Variants in DENND4C observed in about 807,000 individuals in gnomAD.
The protein encoded by DENND4C is DENN domain containing 4C, also known as DENN domain-containing protein 4C.
A neutral mutation model predicts 203.0 loss-of-function variants in DENND4C; 108 were observed. The observed-to-expected ratio is 0.53, with a 90% CI of 0.46 to 0.62. The LOEUF (loss-of-function observed/expected upper bound fraction) is 0.62. Ranked by LOEUF, DENND4C falls within the 20% of genes least tolerant of loss-of-function variation. The pLI, the probability that DENND4C is intolerant of heterozygous loss-of-function variation, is 0.00. For missense variants in DENND4C, 2,481 were observed against 2,301.2 expected, an observed-to-expected ratio of 1.08 and a Z score of -1.60; for synonymous variants, 871 against 792.4, an observed-to-expected ratio of 1.10 and a Z score of -1.67.
intron 1 of DENND4C, among the ~76,000 whole-genome samples, chr9:19,260,525 G>A (rs1221321855): frequency 6.6e-6 from 1 of 152,048 alleles, no homozygotes; most frequent in African/African-American, 2.4e-5. Context: ...AGCCTCCCGA[G>A]TAGCTGGATC....
chr9:19,236,187 A>T (rs558580076), intron 1 of DENND4C, among the ~76,000 whole-genome samples: 1 of 152,268 alleles, frequency 6.6e-6, no homozygotes, highest in South Asian at 2.1e-4. Flanking sequence ...TGCTAGGAAT[A>T]ATAATAAGAA....
intron 23 of DENND4C, among the ~76,000 whole-genome samples, chr9:19,349,113 G>C (rs1823541500): frequency 6.6e-6 from 1 of 151,706 alleles, no homozygotes; most frequent in African/African-American, 2.4e-5. Context: ...TTTTATTTTT[G>C]AAATTTTATT....
chr9:19,256,025 G>A (rs1827831291), intron 1 of DENND4C, among the ~76,000 whole-genome samples: 1 of 151,594 alleles, frequency 6.6e-6, no homozygotes, highest in African/African-American at 2.4e-5. Context: ...ATTGCTTGAG[G>A]CCAGGAGTTC....
intron 3 of DENND4C, among the ~76,000 whole-genome samples, chr9:19,287,416 C>A (rs879407957): frequency 6.6e-6 from 1 of 151,842 alleles, no homozygotes; most frequent in Non-Finnish European, 1.5e-5. Context: ...CTTGCTTTGT[C>A]GCCCAGGCTG....
At chr9:19,256,313 T>G (rs1347387645) in intron 1 of DENND4C, among the ~76,000 whole-genome samples, 2 of 120,432 alleles carry the variant, frequency 1.7e-5, no homozygotes, top group African/African-American at 3.3e-5. Flanking sequence ...TTTTTTGTTT[T>G]TTTTTTTTTT....
intron 14 of DENND4C, 35 bp from the exon 15 acceptor site, chr9:19,326,029 A>G (rs370499882): frequency 2.5e-6 from 4 of 1,607,512 alleles, no homozygotes; most frequent in African/African-American, 2.7e-5. Flanking sequence ...TCTTGTTTGT[A>G]TGCAAATTAA....
intron 1 of DENND4C, among the ~76,000 whole-genome samples, chr9:19,238,739 C>T (rs1299975349): frequency 6.3e-5 from 9 of 142,884 alleles, no homozygotes; most frequent in Admixed American, 4.3e-4. Flanking sequence ...CTGCAACCCC[C>T]GTACCCCGGG....
At chr9:19,281,001 G>A (rs1031996790) in intron 2 of DENND4C, among the ~76,000 whole-genome samples, 29 of 152,048 alleles carry the variant, frequency 1.9e-4, no homozygotes, top group African/African-American at 6.3e-4. Flanking sequence ...TCGGCCTCCC[G>A]AAGTGCTGGG....
At chr9:19,366,535 C>T (rs1261755780) in intron 30 of DENND4C, among the ~76,000 whole-genome samples, 2 of 152,046 alleles carry the variant, frequency 1.3e-5, no homozygotes, top group African/African-American at 4.8e-5. Flanking sequence ...ACCCAGGAGG[C>T]GGAGCTTGCA....
At chr9:19,282,946 T>G (rs1834418380) in intron 2 of DENND4C, among the ~76,000 whole-genome samples, 1 of 152,026 alleles carries the variant, frequency 6.6e-6, no homozygotes, top group African/African-American at 2.4e-5. Context: ...TTTGAACTCC[T>G]GACCTCAAGT....
In DENND4C at chr9:19,276,151, C is replaced by A; in HGVS notation, c.-17-7C>A. 1.6e-6 allele frequency: 2 copies of A among 1,225,264 alleles called. No individual in the cohort carries two copies. Among genetic ancestry groups the A allele is most frequent in the South Asian group, 8.3e-5 (2 of 24,172 alleles). 75.9% of individuals were successfully genotyped at this position (1,225,264 alleles called of 1,614,324 possible). ...TTTTATTGGTATCTTTCCCCTCCCT[C>A]TTCTAGAAAATACAGTAGCAGCCAT... On this transcript the variant is annotated splice_region_variant and splice_polypyrimidine_tract_variant and intron_variant, in intron 1 of 32. Coordinates refer to ENST00000434457, the MANE Select transcript of DENND4C (RefSeq NM_001330640.2).
intron 6 of DENND4C, 80 bp downstream of exon 6, chr9:19,296,326 G>A (rs1837451290): frequency 3.0e-6 from 3 of 985,732 alleles, no homozygotes; most frequent in East Asian, 2.5e-5. Context: ...ATTTTTAGCA[G>A]CAAAGTTGGA....
chr9:19,294,298 GAA>G (rs1384917506), intron 5 of DENND4C, among the ~76,000 whole-genome samples: 1 of 152,042 alleles, frequency 6.6e-6, no homozygotes, highest in Non-Finnish European at 1.5e-5. Context: ...AGGAAAGAGA[GAA>G]GTAGCCAGAA....
intron 12 of DENND4C, among the ~76,000 whole-genome samples, chr9:19,318,364 C>T (rs1487456684): frequency 6.6e-6 from 1 of 151,984 alleles, no homozygotes; most frequent in Non-Finnish European, 1.5e-5. Flanking sequence ...AAAGTTTTCT[C>T]ATTAATAAAA....
Position 19,350,616 on chromosome 9 carries a change from T to C in DENND4C, c.4318-86T>C, listed in dbSNP as rs1342306751. On this transcript the variant is annotated intron_variant, in intron 23 of 32. Coordinates refer to ENST00000434457, the MANE Select transcript of DENND4C (RefSeq NM_001330640.2). ...GATGATTTGTTTAAGGATTATAGAG[T>C]TTAATTTTGAAAAGGGTAGAGTGGG... The C allele has an allele frequency of 1.0e-5, 12 of 1,149,730 alleles. No individual in the cohort carries two copies. In the South Asian group the frequency reaches 2.0e-4, roughly 20 times the overall value. 71.2% of individuals were successfully genotyped at this position (1,149,730 alleles called of 1,614,324 possible).
chr9:19,342,768 A>G lies in DENND4C; in HGVS notation c.3140A>G (p.Lys1047Arg). 1.9e-6 allele frequency: 3 copies of G among 1,604,068 alleles called. No homozygotes were observed. The highest frequency in any genetic ancestry group is 2.6e-6 in the Non-Finnish European group (3 of 1,176,098). Reference sequence around the variant, plus strand: ...GGTATATTTGATGTCAACAGCAGGAAAAGTAGCACTGGTGAGTCTTTACAT... The same window carrying G: ...GGTATATTTGATGTCAACAGCAGGAGAAGTAGCACTGGTGAGTCTTTACAT... The part of the protein sequence containing the change: ...PSGIFDVNSR[K>R]SSTGSISNVL... Residue 1047 changes from lysine to arginine, a missense_variant, in exon 22 of 33, where the codon AAA (lysine) becomes AGA (arginine). Physicochemically the swap from Lys to Arg is conservative, Grantham distance 26. This residue lies in a region of DENND4C where 2,289 missense variants were observed against 2,113.3 expected (regional missense o/e 1.08). Transcript: ENST00000434457.
Position 19,332,439 on chromosome 9 carries a change from C to T in DENND4C, c.2460+255C>T, listed in dbSNP as rs112091425. On this transcript the variant is annotated intron_variant, in intron 17 of 32. Transcript: ENST00000434457. ...CAGTGCGTCCTTGGCTCCCTGCAAC[C>T]TCTGCCTCCCGGGTTCAGACAGTTC... 5.0e-3 allele frequency among the ~76,000 whole-genome samples: 753 copies of T among 151,798 alleles called. 4 individuals carry two copies. Among genetic ancestry groups the T allele is most frequent in the African/African-American group, 0.017 (712 of 41,368 alleles).
At chr9:19,356,674 T>G (rs1261049144) in intron 26 of DENND4C, among the ~76,000 whole-genome samples, 1 of 151,986 alleles carries the variant, frequency 6.6e-6, no homozygotes, top group African/African-American at 2.4e-5. Flanking sequence ...ACAGTTTTCT[T>G]TAGTGGTTCT....
Position 19,360,312 on chromosome 9 carries a change from T to C in DENND4C, c.5229T>C (p.Arg1743=). ...SVPYLSPLVL[R]KELESLLENE... is the part of the protein sequence containing the mutation. Reference sequence around the variant, plus strand: ...CCTACTTGAGTCCTCTAGTACTCCGTAAAGAACTTGAATCTTTGCTAGAAA... The same window carrying C: ...CCTACTTGAGTCCTCTAGTACTCCGCAAAGAACTTGAATCTTTGCTAGAAA... Residue 1743 remains arginine, a synonymous_variant, in exon 29 of 33, where the codon CGT becomes CGC. Transcript: ENST00000434457. The C allele has an allele frequency of 6.2e-7, 1 of 1,614,126 alleles. No homozygotes were observed.
Sources: gnomAD v4.1 joint callset for allele counts (sites outside exome capture counted in the v4.1 genomes callset) on GRCh38, gnomAD v4.1.1 for gene constraint, gnomAD v4.1.1 regional missense constraint, MANE v1.5 for transcripts, NCBI Gene and HGNC (gene_info 2026-07-23, HGNC 2026-07-21) for gene names.